GRM3: variants seen among roughly 807,000 people sequenced by gnomAD.
The protein encoded by GRM3 is metabotropic glutamate receptor 3.
Under a neutral mutation model 70.5 loss-of-function variants are expected in GRM3, and 26 were observed. The ratio of observed to expected loss-of-function variants is 0.37; its 90% confidence interval spans 0.27 to 0.51. GRM3 has a LOEUF of 0.51. Among genes scored for constraint, GRM3 ranks in the 20% least tolerant of loss-of-function variants. GRM3 has a pLI of 0.93. For missense variants in GRM3, 859 were observed against 1,123.8 expected, an observed-to-expected ratio of 0.76 and a Z score of 3.37; for synonymous variants, 443 against 434.9, an observed-to-expected ratio of 1.02 and a Z score of -0.23.
At chr7:86,768,260 A>T (rs1796654650) in intron 2 of GRM3, among the ~76,000 whole-genome samples, 1 of 152,130 alleles carries the variant, frequency 6.6e-6, no homozygotes, top group South Asian at 2.1e-4. Context: ...ATGTCCCTAA[A>T]ATTATAGGAA....
intron 1 of GRM3, among the ~76,000 whole-genome samples, chr7:86,734,030 T>C (rs1466006227): frequency 1.3e-5 from 2 of 152,206 alleles, no homozygotes; most frequent in Non-Finnish European, 2.9e-5. Flanking sequence ...ACATCCATTT[T>C]CCTTACAGGG....
intron 3 of GRM3, among the ~76,000 whole-genome samples, chr7:86,791,340 G>T (rs1028607646): frequency 2.6e-5 from 4 of 152,206 alleles, no homozygotes; most frequent in Non-Finnish European, 5.9e-5. Context: ...ATTAACAAAT[G>T]AATGTCAAGA....
At position 86,749,866 on chromosome 7, in the gene GRM3, G is replaced by A. The variant is rs1212711614; in HGVS notation, c.-140-15140G>A. On this transcript the variant is annotated intron_variant, in intron 1 of 5. Transcript: ENST00000361669. ...TTCTCAACAGATGGGAGTTATAAAA[G>A]GAGTTATCCCCAGTCAAAAACTGGG... Among the ~76,000 whole-genome samples, 4 of 152,068 alleles carry A rather than the reference G, an allele frequency of 2.6e-5. No homozygotes were observed. The East Asian group carries it at 7.7e-4, about 29-fold the overall frequency.
At chr7:86,828,105 C>G (rs1798278059) in intron 3 of GRM3, among the ~76,000 whole-genome samples, 1 of 110,740 alleles carries the variant, frequency 9.0e-6, no homozygotes, top group Admixed American at 9.0e-5. Flanking sequence ...GAGCAGAACT[C>G]CGTATCAAAA....
intron 1 of GRM3, among the ~76,000 whole-genome samples, chr7:86,733,878 C>T (rs1261774439): frequency 1.3e-5 from 2 of 152,170 alleles, no homozygotes; most frequent in African/African-American, 2.4e-5. Context: ...TGGCTCCAAG[C>T]GAAGCACGAG....
At chr7:86,784,677 A>G (rs537030569) in intron 2 of GRM3, 2 of 152,352 alleles carry the variant, frequency 1.3e-5, no homozygotes, top group East Asian at 3.9e-4. Context: ...GAAGAAATAA[A>G]TAATATATTA....
At chr7:86,689,456 A>T (rs890210733) in intron 1 of GRM3, among the ~76,000 whole-genome samples, 2 of 152,120 alleles carry the variant, frequency 1.3e-5, no homozygotes, top group Non-Finnish European at 2.9e-5. Flanking sequence ...CTAAGGATAA[A>T]TTCCTAATGT....
chr7:86,808,206 CT>C (rs933532822), intron 3 of GRM3, among the ~76,000 whole-genome samples: 4 of 151,710 alleles, frequency 2.6e-5, no homozygotes, highest in Admixed American at 6.6e-5. Context: ...CTAAAATTCT[CT>C]TTTTTTTGCT....
chr7:86,848,287 T>G (rs1456120417), intron 4 of GRM3, among the ~76,000 whole-genome samples: 2 of 152,198 alleles, frequency 1.3e-5, no homozygotes, highest in Admixed American at 1.3e-4. Flanking sequence ...GCTGAGAGCC[T>G]GCAGTAGTTG....
rs568266684 is a variant in GRM3, at chr7:86,736,946, G to C, written c.-140-28060G>C. Reference sequence around the variant, plus strand: ...ATATCTAATGAGATTCTCCAGACAGGCTCATCAAAAAAAACAAATACATTT... The same window carrying C: ...ATATCTAATGAGATTCTCCAGACAGCCTCATCAAAAAAAACAAATACATTT... On this transcript the variant is annotated intron_variant, in intron 1 of 5. Coordinates refer to ENST00000361669, the MANE Select transcript of GRM3 (RefSeq NM_000840.3). Among the ~76,000 whole-genome samples the C allele has an allele frequency of 7.3e-4, 111 of 151,462 alleles. 1 individual carries two copies. Among genetic ancestry groups the C allele is most frequent in the African/African-American group, 2.2e-3 (90 of 41,254 alleles).
intron 1 of GRM3, among the ~76,000 whole-genome samples, chr7:86,708,608 C>T (rs76592382): frequency 0.012 from 1,770 of 152,174 alleles, 30 homozygotes; most frequent in African/African-American, 0.041. Context: ...GCCACGTCAA[C>T]GAATCCACCC....
intron 1 of GRM3, among the ~76,000 whole-genome samples, chr7:86,694,613 T>C (rs1233711398): frequency 6.6e-6 from 1 of 151,118 alleles, no homozygotes; most frequent in Admixed American, 6.6e-5. Flanking sequence ...CTTACAAGTT[T>C]GAGGGAAAAA....
At chr7:86,697,725 AAACTT>A (rs1244939021) in intron 1 of GRM3, among the ~76,000 whole-genome samples, 1 of 152,094 alleles carries the variant, frequency 6.6e-6, no homozygotes, top group Non-Finnish European at 1.5e-5. Flanking sequence ...ATCCCTTTGC[AAACTT>A]ACTTTCACAG....
At chr7:86,789,128 T>G (rs1797343243) in intron 3 of GRM3, among the ~76,000 whole-genome samples, 1 of 152,214 alleles carries the variant, frequency 6.6e-6, no homozygotes, top group South Asian at 2.1e-4. Flanking sequence ...TGTGCAAACC[T>G]GACCACAAAG....
At chr7:86,734,194 A>G (rs1345741231) in intron 1 of GRM3, among the ~76,000 whole-genome samples, 1 of 152,192 alleles carries the variant, frequency 6.6e-6, no homozygotes, top group Non-Finnish European at 1.5e-5. Context: ...ATTTTCTTCT[A>G]CTTCTAACTG....
At chr7:86,835,218 C>T (rs1798432100) in intron 3 of GRM3, among the ~76,000 whole-genome samples, 1 of 151,728 alleles carries the variant, frequency 6.6e-6, no homozygotes, top group Non-Finnish European at 1.5e-5. Flanking sequence ...ATAATTTTCA[C>T]TTATAAATTA....
At chr7:86,760,542 A>C (rs2116396671) in intron 1 of GRM3, among the ~76,000 whole-genome samples, 1 of 152,230 alleles carries the variant, frequency 6.6e-6, no homozygotes, top group African/African-American at 2.4e-5. Context: ...ATTTATAATG[A>C]AAAGAACCGG....
At chr7:86,825,641 A>T (rs964361789) in intron 3 of GRM3, among the ~76,000 whole-genome samples, 1 of 152,230 alleles carries the variant, frequency 6.6e-6, no homozygotes, top group African/African-American at 2.4e-5. Flanking sequence ...TGGAAATTTC[A>T]GTTACTGCAT....
At chr7:86,648,238 A>T (rs992701594) in intron 1 of GRM3, among the ~76,000 whole-genome samples, 1 of 152,232 alleles carries the variant, frequency 6.6e-6, no homozygotes, top group African/African-American at 2.4e-5. Flanking sequence ...GAATTAAGAA[A>T]TTACCTTTTC....
Sources: allele counts gnomAD v4.1 joint callset (sites outside exome capture counted in the v4.1 genomes callset), GRCh38; gene constraint gnomAD v4.1.1; transcripts MANE v1.5; gene names NCBI Gene and HGNC (gene_info 2026-07-23, HGNC 2026-07-21).